The following FGFR1 variants were observed in gnomAD, a reference collection of about 807,000 sequenced individuals.
FGFR1 encodes FGFR1/PLAG1 fusion.
A neutral mutation model predicts 93.7 loss-of-function variants in FGFR1; 18 were observed. That is an observed-to-expected ratio of 0.19 (90% confidence interval 0.13 to 0.28). The LOEUF is 0.28. Among genes scored for constraint, FGFR1 ranks in the 10% least tolerant of loss-of-function variants. The probability of loss-of-function intolerance (pLI) is 1.00; values close to 1 mark genes in which losing one functional copy is unlikely to be tolerated. For missense variants in FGFR1, 731 were observed against 1,080.4 expected (o/e 0.68, Z 4.53); for synonymous variants, 448 against 429.3 (o/e 1.04, Z -0.54).
intron 2 of FGFR1, among the ~76,000 whole-genome samples, chr8:38,447,098 A>AACACACACACAC (rs57917657): frequency 2.4e-4 from 32 of 133,360 alleles, no homozygotes; most frequent in Non-Finnish European, 2.9e-4. Flanking sequence ...ACTGCAAGCA[A>AACACACACACAC]ACACACACAC....
chr8:38,461,577 G>A (rs1834416502), intron 1 of FGFR1, among the ~76,000 whole-genome samples: 1 of 152,176 alleles, frequency 6.6e-6, no homozygotes, highest in Non-Finnish European at 1.5e-5. Flanking sequence ...CCAAAGTGCT[G>A]GGATTACAGG....
rs2150803257 is a variant in FGFR1 at position 38,424,154 on chromosome 8, A to C, written c.936+355T>G. The C allele has an allele frequency of 7.0e-6, 3 of 430,260 alleles. No homozygotes were observed. Among genetic ancestry groups the C allele is most frequent in the South Asian group, 6.1e-5 (3 of 48,796 alleles). The allele number at this position is 430,260 out of a possible 1,614,324, so 26.7% of individuals were successfully genotyped here. A position where few individuals can be genotyped will look rare whatever the true frequency, so the allele number is the denominator to read the frequency against. ...ACGTAACTCAGGACACAGGGCTAAG[A>C]CTGGGAAACGCTTGGTGGAAAGGCT... On this transcript the variant is annotated intron_variant, in intron 7 of 17. Transcript: ENST00000447712. The surrounding 1 kb of genome is among the most constrained non-coding windows in gnomAD (Gnocchi z 4.3).
chr8:38,413,303 GC>G lies in FGFR1; in HGVS notation c.*324del. ...GAGAAAGCTCAGGAAGCTCTCACTT[GC>G]ATGCCTGTTCATTGGCTCCCACTCC... is the stretch of plus-strand genomic sequence containing the variant. On this transcript the variant is annotated 3_prime_UTR_variant, in exon 18 of 18. Coordinates refer to ENST00000447712, the MANE Select transcript of FGFR1 (RefSeq NM_023110.3). This position sits in a 1 kb window ranked among gnomAD's most constrained non-coding sequence, Gnocchi z 4.2. The G allele has an allele frequency of 6.8e-6, 3 of 439,758 alleles. No individual in the cohort carries two copies. The highest frequency in any genetic ancestry group is 7.2e-5 in the South Asian group (2 of 27,792). The allele number at this position is 439,758 out of a possible 1,614,324, so 27.2% of individuals were successfully genotyped here. A position where few individuals can be genotyped will look rare whatever the true frequency, so the allele number is the denominator to read the frequency against.
chr8:38,423,438 CA>C (rs1389225637), intron 7 of FGFR1: 1 of 395,394 alleles, frequency 2.5e-6, no homozygotes, highest in Non-Finnish European at 4.7e-6. Flanking sequence ...TAGCTTGCCT[CA>C]GCCTCCTGAG....
chr8:38,457,467 T>A lies in FGFR1; in HGVS notation c.-21A>T, dbSNP rs376018211. 5.3e-5 allele frequency: 85 copies of A among 1,613,524 alleles called. 1 individual carries two copies. In the South Asian group the frequency reaches 8.7e-4, roughly 16 times the overall value. On this transcript the variant is annotated 5_prime_UTR_variant, in exon 2 of 18. Transcript: ENST00000447712. Reference sequence around the variant, plus strand: ...CACATCCCAGTTCTGCAGTTAGAGGTTGGTGACAAGGCTCCACATCTCCAT... The same window carrying A: ...CACATCCCAGTTCTGCAGTTAGAGGATGGTGACAAGGCTCCACATCTCCAT...
At chr8:38,430,670 C>T (rs1822711492) in intron 2 of FGFR1, 1 of 152,396 alleles carries the variant, frequency 6.6e-6, no homozygotes, top group Non-Finnish European at 1.5e-5. Flanking sequence ...CACACTTGCT[C>T]TGGCAGCAGG....
Position 38,413,863 on chromosome 8 carries a change from T to C in FGFR1, c.2292+55A>G. 1 of 1,610,674 alleles carries C rather than the reference T, an allele frequency of 6.2e-7. No homozygotes were observed. Among genetic ancestry groups the C allele is most frequent in the Non-Finnish European group, 8.5e-7 (1 of 1,177,382 alleles). On this transcript the variant is annotated intron_variant, in intron 17 of 17. Transcript: ENST00000447712. The surrounding 1 kb of genome is among the most constrained non-coding windows in gnomAD (Gnocchi z 4.2). ...GGCCCCTCCTCCCTGCTCAGGGAGG[T>C]GCGTGCACGCAGTGGGGACGGCCTG...
At position 38,426,023 on chromosome 8, in the gene FGFR1, C is replaced by T; in HGVS notation, c.745+99G>A. On this transcript the variant is annotated intron_variant, in intron 6 of 17. Coordinates refer to ENST00000447712, the MANE Select transcript of FGFR1 (RefSeq NM_023110.3). The surrounding 1 kb of genome is among the most constrained non-coding windows in gnomAD (Gnocchi z 4.1). ...AAAGCCAAGAAGTGCCAATCGCTAT[C>T]CTGACTCTGCCCCTAAGAAACCTGG... 1 of 1,552,706 alleles carries T rather than the reference C, an allele frequency of 6.4e-7. No individual in the cohort carries two copies. The highest frequency in any genetic ancestry group is 8.9e-7 in the Non-Finnish European group (1 of 1,129,404).
At chr8:38,446,789 C>A (rs561835653) in intron 2 of FGFR1, among the ~76,000 whole-genome samples, 4 of 152,310 alleles carry the variant, frequency 2.6e-5, no homozygotes, top group African/African-American at 7.2e-5. Flanking sequence ...GATATGTTTA[C>A]TTCCATTCAT....
At chr8:38,447,098 AACACACACACACACACACACACACAC>A (rs57917657) in intron 2 of FGFR1, among the ~76,000 whole-genome samples, 19 of 133,362 alleles carry the variant, frequency 1.4e-4, no homozygotes, top group South Asian at 5.6e-4. Flanking sequence ...ACTGCAAGCA[AACACACACACACACACACACACACAC>A]ACACACACAC....
intron 12 of FGFR1, 152 bp downstream of exon 12, chr8:38,417,154 C>G (rs1247090242): frequency 2.8e-6 from 2 of 705,398 alleles, no homozygotes; most frequent in Non-Finnish European, 5.2e-6. Flanking sequence ...TGAGCGGAGC[C>G]CAGATCCCGA....
At chr8:38,437,699 G>C (rs1825909422) in intron 2 of FGFR1, among the ~76,000 whole-genome samples, 1 of 152,168 alleles carries the variant, frequency 6.6e-6, no homozygotes, top group Non-Finnish European at 1.5e-5. Flanking sequence ...AGGTTCATGG[G>C]AGAAAACAGT....
At position 38,429,579 on chromosome 8, in the gene FGFR1, G is replaced by A. The variant is rs1421589314; in HGVS notation, c.358+103C>T. On this transcript the variant is annotated intron_variant, in intron 3 of 17. Coordinates refer to ENST00000447712, the MANE Select transcript of FGFR1 (RefSeq NM_023110.3). This position sits in a 1 kb window ranked among gnomAD's most constrained non-coding sequence, Gnocchi z 4.4. ...CAGCAGTTTCTGAAGCAGAGTGGGGGCAGATCACGGAGGGGGAGGAGGTTC... is the reference window on the plus strand; with the variant it reads ...CAGCAGTTTCTGAAGCAGAGTGGGGACAGATCACGGAGGGGGAGGAGGTTC... The A allele has an allele frequency of 4.2e-5, 52 of 1,232,428 alleles. No homozygotes were observed. In the East Asian group the frequency reaches 5.1e-4, roughly 12 times the overall value. 76.3% of individuals were successfully genotyped at this position (1,232,428 alleles called of 1,614,324 possible). A position where few individuals can be genotyped will look rare whatever the true frequency, so the allele number is the denominator to read the frequency against.
chr8:38,419,110 C>T (rs1439265488), intron 9 of FGFR1, among the ~76,000 whole-genome samples: 1 of 152,218 alleles, frequency 6.6e-6, no homozygotes, highest in Non-Finnish European at 1.5e-5. Context: ...AACTGTGAGT[C>T]CATTAAACCT....
intron 1 of FGFR1, among the ~76,000 whole-genome samples, chr8:38,464,334 A>G (rs913912742): frequency 7.4e-6 from 1 of 135,366 alleles, no homozygotes; most frequent in African/African-American, 2.8e-5. Context: ...AAAAAAAAAA[A>G]AGCAACAAGT....
intron 1 of FGFR1, among the ~76,000 whole-genome samples, chr8:38,466,895 A>ACCCC (rs35393411): frequency 7.4e-6 from 1 of 135,810 alleles, no homozygotes; most frequent in Non-Finnish European, 1.5e-5. Flanking sequence ...TTCACACCCC[A>ACCCC]CCCCCCCCCC....
chr8:38,414,967 G>A (rs1050527237), intron 13 of FGFR1, 66 bp from the exon 14 acceptor site: 32 of 1,390,582 alleles, frequency 2.3e-5, no homozygotes, highest in Middle Eastern at 2.4e-4. Context: ...CTGGGCGGCC[G>A]CCACCCATGC....
intron 2 of FGFR1, among the ~76,000 whole-genome samples, chr8:38,442,950 A>G (rs1828016971): frequency 6.6e-6 from 1 of 152,232 alleles, no homozygotes; most frequent in Non-Finnish European, 1.5e-5. Context: ...GCCTCTCCAG[A>G]GTAGAGAAAG....
intron 2 of FGFR1, chr8:38,440,381 G>A (rs2151105258): frequency 6.3e-7 from 1 of 1,586,478 alleles, no homozygotes; most frequent in Non-Finnish European, 8.6e-7. Flanking sequence ...ATCCTACAAG[G>A]GTTTGGGTGG....
Sources: allele counts gnomAD v4.1 joint callset (sites outside exome capture counted in the v4.1 genomes callset), GRCh38; gene constraint gnomAD v4.1.1; non-coding constraint Gnocchi (gnomAD v3.1); transcripts MANE v1.5; gene names NCBI Gene and HGNC (gene_info 2026-07-23, HGNC 2026-07-21).